The following SPIN2A variants were observed in gnomAD, a reference collection of about 807,000 sequenced individuals.
The protein encoded by SPIN2A is spindlin family member 2A, also known as spindlin-2A.
Under a neutral mutation model 9.2 loss-of-function variants are expected in SPIN2A, and 4 were observed. The ratio of observed to expected loss-of-function variants is 0.44; its 90% CI spans 0.21 to 1.00. SPIN2A has a LOEUF of 1.00. Among genes scored for constraint, SPIN2A ranks in the 50% least tolerant of loss-of-function variants. The probability of loss-of-function intolerance (pLI) is 0.26; values close to 1 mark genes in which losing one functional copy is unlikely to be tolerated. For synonymous variants in SPIN2A, 25 were observed against 61.2 expected (o/e 0.41, Z 2.76); for missense variants, 77 against 172.8 (o/e 0.45, Z 3.11).
chrX:57,141,791 T>C (rs940591344), upstream of SPIN2A, among the ~76,000 whole-genome samples: 1 of 111,538 alleles, frequency 9.0e-6, no homozygotes, highest in Non-Finnish European at 1.9e-5. Context: ...TTTTCTTTTT[T>C]TTAAATGTTA....
chrX:57,142,000 G>A (rs891235299), upstream of SPIN2A, among the ~76,000 whole-genome samples: 1 of 110,337 alleles, frequency 9.1e-6, no homozygotes, highest in African/African-American at 3.3e-5. Flanking sequence ...ATTTATTTGA[G>A]TCTTCTCTTA....
chrX:57,137,343 G>A lies in SPIN2A; in HGVS notation c.-89C>T, dbSNP rs1927850082. ...AGTGACTGCTTGCAAGAGCGGGGAG[G>A]GTAGGATCCATAGATGAGGAGCGTG... is the stretch of plus-strand genomic sequence containing the variant. On this transcript the variant is annotated 5_prime_UTR_variant, in exon 1 of 2. Transcript: ENST00000374906. The A allele has an allele frequency of 6.6e-6, 5 of 758,090 alleles. No individual in the cohort carries two copies. The South Asian group carries it at 2.6e-4, about 40-fold the overall frequency. The allele number at this position is 758,090 out of a possible 1,213,427, so 62.5% of individuals were successfully genotyped here.
chrX:57,143,674 C>A, the SPIN2A span, among the ~76,000 whole-genome samples: 1 of 110,712 alleles, frequency 9.0e-6, no homozygotes, highest in African/African-American at 3.3e-5. Flanking sequence ...CAGGGGGTTT[C>A]TCCATGTTGC....
chrX:57,143,156 G>A, the SPIN2A span, among the ~76,000 whole-genome samples: 3 of 110,487 alleles, frequency 2.7e-5, no homozygotes, highest in African/African-American at 9.9e-5. Flanking sequence ...TGTGTTATTT[G>A]CTTCCTGCTT....
upstream of SPIN2A, among the ~76,000 whole-genome samples, chrX:57,141,766 A>G (rs1213755570): frequency 9.0e-6 from 1 of 110,840 alleles, no homozygotes; most frequent in African/African-American, 3.3e-5. Context: ...TGTTATTATA[A>G]TGTCTCATTT....
upstream of SPIN2A, among the ~76,000 whole-genome samples, chrX:57,138,875 T>TA (rs1485729796): frequency 3.6e-5 from 4 of 112,391 alleles, no homozygotes; most frequent in East Asian, 1.1e-3. Flanking sequence ...GAGAAATGTC[T>TA]ACTCAGCTCT....
At chrX:57,144,334 A>T in the SPIN2A span, among the ~76,000 whole-genome samples, 1 of 97,388 alleles carries the variant, frequency 1.0e-5, no homozygotes, top group African/African-American at 3.8e-5. Context: ...ACATTCTTGT[A>T]TTTGGATATT....
At chrX:57,145,908 T>C in the SPIN2A span, among the ~76,000 whole-genome samples, 1 of 111,870 alleles carries the variant, frequency 8.9e-6, no homozygotes, top group Non-Finnish European at 1.9e-5. Context: ...TTCTGTTCCA[T>C]TGGTCTATGT....
chrX:57,134,571 C>T (rs926697171), downstream of SPIN2A: 1 of 111,773 alleles, frequency 8.9e-6, no homozygotes, highest in African/African-American at 3.3e-5. Context: ...TGCCCCTCAT[C>T]TCTAGATAGA....
chrX:57,137,143 A>G, intron 1 of SPIN2A, 117 bp downstream of exon 1: 1 of 747,027 alleles, frequency 1.3e-6, no homozygotes, highest in Non-Finnish European at 1.6e-6. Context: ...ACTCCACCCC[A>G]TGTCTCCTGC....
chrX:57,136,997 C>G, intron 1 of SPIN2A: 2 of 865,062 alleles, frequency 2.3e-6, no homozygotes, highest in Non-Finnish European at 2.9e-6. Flanking sequence ...CCCCCACTGC[C>G]TATCCTAACC....
upstream of SPIN2A, among the ~76,000 whole-genome samples, chrX:57,141,624 G>A (rs988538786): frequency 1.8e-5 from 2 of 111,228 alleles, no homozygotes; most frequent in African/African-American, 6.5e-5. Flanking sequence ...TTATTGGTCC[G>A]TTCAGGTTTT....
upstream of SPIN2A, chrX:57,137,402 G>A: frequency 1.4e-6 from 1 of 736,677 alleles, no homozygotes; most frequent in Non-Finnish European, 1.6e-6. Flanking sequence ...AAAGAGCACT[G>A]CAGCGGTGTC....
chrX:57,142,901 TTGTC>T, the SPIN2A span, among the ~76,000 whole-genome samples: 1 of 111,923 alleles, frequency 8.9e-6, no homozygotes, highest in African/African-American at 3.2e-5. Context: ...GACATCTACT[TTGTC>T]TGATATAAGT....
chrX:57,141,740 A>AT (rs979756153), upstream of SPIN2A, among the ~76,000 whole-genome samples: 30 of 110,256 alleles, frequency 2.7e-4, no homozygotes, highest in African/African-American at 6.6e-4. Context: ...ATCTGTAACA[A>AT]TTTTTTTATT....
At chrX:57,135,423 C>T (rs909654), downstream of SPIN2A, 1 of 181,458 alleles carries the variant, frequency 5.5e-6, no homozygotes, top group Non-Finnish European at 1.0e-5. Context: ...CCACCTCTTC[C>T]TAAGCAGTCA....
intron 1 of SPIN2A, 156 bp from the exon 2 acceptor site, chrX:57,136,758 C>T (rs1927791080): frequency 3.6e-6 from 1 of 281,335 alleles, no homozygotes; most frequent in Admixed American, 6.2e-5. Flanking sequence ...CCGCAGTGCT[C>T]TCCCTCTTAA....
At chrX:57,145,524 G>A in the SPIN2A span, among the ~76,000 whole-genome samples, 3 of 112,039 alleles carry the variant, frequency 2.7e-5, no homozygotes, top group African/African-American at 9.7e-5. Context: ...TTACTCTGAT[G>A]ACTGTTCCTT....
the SPIN2A span, among the ~76,000 whole-genome samples, chrX:57,146,300 T>A: frequency 5.4e-5 from 6 of 111,346 alleles, no homozygotes; most frequent in Non-Finnish European, 1.1e-4. Context: ...TTATGTATAT[T>A]TGTAAGTATT....
Sources: allele counts gnomAD v4.1 joint callset (sites outside exome capture counted in the v4.1 genomes callset), GRCh38; gene constraint gnomAD v4.1.1; transcripts MANE v1.5; gene names NCBI Gene and HGNC (gene_info 2026-07-23, HGNC 2026-07-21).